TAF3: variants seen among roughly 807,000 people sequenced by gnomAD.
TAF3 encodes transcription initiation factor TFIID subunit 3.
Under a neutral mutation model 80.6 loss-of-function variants are expected in TAF3, and 7 were observed. That is an observed-to-expected ratio of 0.09 (90% CI 0.05 to 0.16). The LOEUF is 0.16. Ranked by LOEUF, TAF3 falls within the 10% of genes least tolerant of loss-of-function variation. The probability of loss-of-function intolerance (pLI) is 1.00; values close to 1 mark genes in which losing one functional copy is unlikely to be tolerated. For missense variants in TAF3, 921 were observed against 1,140.2 expected (o/e 0.81, Z 2.77); for synonymous variants, 444 against 446.1 (o/e 1.00, Z 0.06).
At chr10:7,873,230 AT>A (rs569299580) in intron 2 of TAF3, among the ~76,000 whole-genome samples, 29 of 150,712 alleles carry the variant, frequency 1.9e-4, no homozygotes, top group East Asian at 7.8e-4. Flanking sequence ...TTTCTTCAAG[AT>A]TTTTTTTTTC....
intron 4 of TAF3, among the ~76,000 whole-genome samples, chr10:7,982,492 G>A (rs1324095840): frequency 1.3e-5 from 2 of 152,082 alleles, no homozygotes; most frequent in East Asian, 1.9e-4. Flanking sequence ...TCCACCTCCC[G>A]GGTTCAAGTG....
chr10:7,846,676 ACCAAATAT>A (rs1290710001), intron 2 of TAF3, among the ~76,000 whole-genome samples: 1 of 152,228 alleles, frequency 6.6e-6, no homozygotes, highest in Non-Finnish European at 1.5e-5. Flanking sequence ...TTTTGCTGTC[ACCAAATAT>A]CCACTGGACC....
intron 4 of TAF3, among the ~76,000 whole-genome samples, chr10:7,986,930 A>C (rs1431443449): frequency 6.6e-6 from 1 of 152,236 alleles, no homozygotes; most frequent in Admixed American, 6.5e-5. Context: ...CTGCTTCAAA[A>C]TATGTAACCT....
chr10:7,847,607 C>G (rs534910014), intron 2 of TAF3, among the ~76,000 whole-genome samples: 1 of 152,192 alleles, frequency 6.6e-6, no homozygotes, highest in African/African-American at 2.4e-5. Flanking sequence ...CCACATCCAG[C>G]TAATTTTTTT....
At chr10:7,844,192 T>G (rs1836946395) in intron 2 of TAF3, among the ~76,000 whole-genome samples, 1 of 152,178 alleles carries the variant, frequency 6.6e-6, no homozygotes, top group Non-Finnish European at 1.5e-5. Context: ...AATAAAGGCT[T>G]TGTGATATCC....
At chr10:7,917,357 G>T (rs528147317) in intron 2 of TAF3, among the ~76,000 whole-genome samples, 1 of 152,308 alleles carries the variant, frequency 6.6e-6, no homozygotes, top group South Asian at 2.1e-4. Flanking sequence ...TTTCAGGCAC[G>T]AGGAACAGCA....
intron 2 of TAF3, among the ~76,000 whole-genome samples, chr10:7,884,588 G>A (rs956392695): frequency 2.0e-5 from 3 of 151,904 alleles, no homozygotes; most frequent in African/African-American, 7.3e-5. Context: ...GGGTTTCATC[G>A]TGTTGGCCGG....
chr10:7,979,935 G>T (rs1831710649), intron 4 of TAF3, among the ~76,000 whole-genome samples: 1 of 152,092 alleles, frequency 6.6e-6, no homozygotes, highest in Admixed American at 6.6e-5. Context: ...TTTCTTAGTG[G>T]CTGGAAAAAA....
At chr10:7,858,563 G>C (rs996597598) in intron 2 of TAF3, among the ~76,000 whole-genome samples, 1 of 152,126 alleles carries the variant, frequency 6.6e-6, no homozygotes, top group African/African-American at 2.4e-5. Flanking sequence ...TGGCAAGTTC[G>C]TATCTGTGTC....
rs539330169 is a variant in TAF3, at chr10:7,894,162, C to G, written c.409+69602C>G. Among the ~76,000 whole-genome samples the G allele has an allele frequency of 5.9e-5, 9 of 152,186 alleles. No individual in the cohort carries two copies. In the South Asian group the frequency reaches 1.7e-3, roughly 28 times the overall value. On this transcript the variant is annotated intron_variant, in intron 2 of 6. Coordinates refer to ENST00000344293, the MANE Select transcript of TAF3 (RefSeq NM_031923.4). ...TCTAATGGAAGCAGGGGTTTGTAAT[C>G]CAAAGTTAGAGTCCCTCTCTGTATT...
At chr10:7,890,340 C>T (rs1837446484) in intron 2 of TAF3, among the ~76,000 whole-genome samples, 2 of 152,182 alleles carry the variant, frequency 1.3e-5, no homozygotes, top group South Asian at 4.1e-4. Context: ...CTTGGTATAG[C>T]CCTTTATCAT....
At chr10:7,864,257 T>C (rs150807536) in intron 2 of TAF3, among the ~76,000 whole-genome samples, 2 of 152,358 alleles carry the variant, frequency 1.3e-5, no homozygotes, top group African/African-American at 2.4e-5. Flanking sequence ...TACCCCAACC[T>C]GTGGCAACTA....
In TAF3 at chr10:7,979,391, T is replaced by C. The variant is rs992174014; in HGVS notation, c.2315+2068T>C. ...AAAAAAAAAAAGGCATTGATAGTTA[T>C]ATTCAACTCACCTGCCTTTAAGCAT... On this transcript the variant is annotated intron_variant, in intron 4 of 6. Coordinates refer to ENST00000344293, the MANE Select transcript of TAF3 (RefSeq NM_031923.4). 2.8e-4 allele frequency among the ~76,000 whole-genome samples: 43 copies of C among 150,924 alleles called. 1 individual carries two copies. Among genetic ancestry groups the C allele is most frequent in the Admixed American group, 2.6e-3 (39 of 15,142 alleles).
At chr10:7,883,478 A>G (rs530913688) in intron 2 of TAF3, among the ~76,000 whole-genome samples, 2 of 152,244 alleles carry the variant, frequency 1.3e-5, no homozygotes, top group South Asian at 4.1e-4. Context: ...AGATTTCTCC[A>G]TTGTCAAGTT....
At position 7,936,871 on chromosome 10, in the gene TAF3, AT is replaced by A. The variant is rs999915257; in HGVS notation, c.410-27038del. Among the ~76,000 whole-genome samples, 904 of 147,708 alleles carry A rather than the reference AT, an allele frequency of 6.1e-3. 7 individuals carry two copies. The highest frequency in any genetic ancestry group is 0.021 in the African/African-American group (863 of 40,478). ...TCCCTGTACCCGCTGGCATCCATTG[AT>A]TTTTTTTTTTGGAAACTGTATTCAT... is the stretch of plus-strand genomic sequence containing the variant. On this transcript the variant is annotated intron_variant, in intron 2 of 6. Coordinates refer to ENST00000344293, the MANE Select transcript of TAF3 (RefSeq NM_031923.4).
chr10:7,866,103 C>T (rs1296082518), intron 2 of TAF3, among the ~76,000 whole-genome samples: 3 of 152,174 alleles, frequency 2.0e-5, no homozygotes, highest in Non-Finnish European at 2.9e-5. Context: ...TTTTCTGGAT[C>T]GTAAAGTAAT....
At chr10:7,885,992 G>A (rs1368565943) in intron 2 of TAF3, among the ~76,000 whole-genome samples, 6 of 151,996 alleles carry the variant, frequency 3.9e-5, no homozygotes, top group African/African-American at 9.7e-5. Flanking sequence ...GTAGTGGCGC[G>A]ACGATGGCTC....
chr10:7,952,756 G>A (rs190348575), intron 2 of TAF3, among the ~76,000 whole-genome samples: 4 of 152,240 alleles, frequency 2.6e-5, no homozygotes, highest in Non-Finnish European at 5.9e-5. Context: ...TGTAATGTAT[G>A]AATTGTCATT....
intron 2 of TAF3, among the ~76,000 whole-genome samples, chr10:7,861,583 C>T (rs1837148235): frequency 6.6e-6 from 1 of 152,194 alleles, no homozygotes; most frequent in African/African-American, 2.4e-5. Flanking sequence ...TAATTCTGTA[C>T]TGATTTTTTT....
Sources: allele counts gnomAD v4.1 joint callset (sites outside exome capture counted in the v4.1 genomes callset), GRCh38; gene constraint gnomAD v4.1.1; transcripts MANE v1.5; gene names NCBI Gene and HGNC (gene_info 2026-07-23, HGNC 2026-07-21).